Variants in DOCK2 observed in about 807,000 individuals in gnomAD.
DOCK2 encodes the protein dedicator of cytokinesis 2.
A neutral mutation model predicts 248.9 loss-of-function variants in DOCK2; 87 were observed. That is an observed-to-expected ratio of 0.35 (90% CI 0.29 to 0.42). The LOEUF is 0.42. DOCK2 is among the 10% of genes least tolerant of loss of function. DOCK2 has a pLI of 1.00. For missense variants in DOCK2, 1,747 were observed against 2,300.2 expected, an observed-to-expected ratio of 0.76 and a Z score of 4.92; for synonymous variants, 805 against 821.6, an observed-to-expected ratio of 0.98 and a Z score of 0.35.
At chr5:170,050,157 C>T (rs1756864646) in intron 40 of DOCK2, 99 bp from the exon 41 acceptor site, 2 of 1,484,162 alleles carry the variant, frequency 1.3e-6, no homozygotes, top group African/African-American at 1.4e-5. Context: ...ACTGGACATC[C>T]CCATGGACCG....
At chr5:170,042,577 C>T (rs1056104716) in intron 38 of DOCK2, among the ~76,000 whole-genome samples, 1 of 152,194 alleles carries the variant, frequency 6.6e-6, no homozygotes, top group African/African-American at 2.4e-5. Flanking sequence ...CTCTTGCTCA[C>T]GTGCTCTATG....
chr5:169,953,347 AAG>A (rs1175831719), intron 27 of DOCK2, among the ~76,000 whole-genome samples: 2 of 150,962 alleles, frequency 1.3e-5, no homozygotes, highest in Non-Finnish European at 3.0e-5. Flanking sequence ...AAAAAAAAAA[AAG>A]AGAGAGAGAG....
chr5:170,019,475 C>G (rs183017295), intron 33 of DOCK2, among the ~76,000 whole-genome samples: 124 of 152,278 alleles, frequency 8.1e-4, no homozygotes, highest in Non-Finnish European at 1.4e-3. Flanking sequence ...TCTGGGCTGA[C>G]TCTGCGGATC....
At chr5:169,903,695 G>C (rs166354) in intron 27 of DOCK2, among the ~76,000 whole-genome samples, 3 of 151,876 alleles carry the variant, frequency 2.0e-5, no homozygotes, top group Non-Finnish European at 4.4e-5. Flanking sequence ...GAACTTACTC[G>C]GGGCAGGGGG....
intron 22 of DOCK2, among the ~76,000 whole-genome samples, chr5:169,735,481 T>A (rs960404719): frequency 2.6e-5 from 4 of 152,210 alleles, no homozygotes; most frequent in African/African-American, 9.6e-5. Context: ...AGGGAATCTA[T>A]CCCTGTATTT....
rs764939243 is a variant in DOCK2, at chr5:169,674,293, C to G, written c.322-4C>G. ...GTAATTATGGGTTGTTTCTTGTCTC[C>G]TAGGCCAGCAAAAAGGAGCGTTTTC... On this transcript the variant is annotated splice_region_variant and splice_polypyrimidine_tract_variant and intron_variant, in intron 5 of 51. Coordinates refer to ENST00000520908, the MANE Select transcript of DOCK2 (RefSeq NM_004946.3). 1.9e-6 allele frequency: 3 copies of G among 1,613,844 alleles called. No individual in the cohort carries two copies. Among genetic ancestry groups the G allele is most frequent in the Non-Finnish European group, 1.7e-6 (2 of 1,179,910 alleles).
Position 169,700,057 on chromosome 5 carries a change from G to T in DOCK2, c.1176G>T (p.Gln392His). The change falls in exon 13 of 52, where the codon CAG (glutamine) becomes CAT (histidine). Residue 392 changes from glutamine (Q) to histidine (H), a missense_variant. Physicochemically the swap from Gln to His is conservative, Grantham distance 24. Coordinates refer to ENST00000520908, the MANE Select transcript of DOCK2 (RefSeq NM_004946.3). ...AGATGCTGGTGGGTGACATCATTCA[G>T]ATTCGCAAGGACTATCCACACCTGG... is the stretch of plus-strand genomic sequence containing the variant. ...TMKMLVGDIIQIRKDYPHLVD... is the reference protein window; with the variant it reads ...TMKMLVGDIIHIRKDYPHLVD... 4 of 1,614,054 alleles carry T rather than the reference G, an allele frequency of 2.5e-6. No individual in the cohort carries two copies. In the South Asian group the frequency reaches 4.4e-5, roughly 18 times the overall value.
chr5:169,716,156 G>A, intron 19 of DOCK2, 57 bp from the exon 20 acceptor site: 1 of 1,483,826 alleles, frequency 6.7e-7, no homozygotes, highest in Middle Eastern at 1.8e-4. Context: ...GGGATTGCTG[G>A]TTCACCTGTA....
chr5:169,936,718 A>G (rs1235042941), intron 27 of DOCK2, among the ~76,000 whole-genome samples: 2 of 151,746 alleles, frequency 1.3e-5, no homozygotes, highest in African/African-American at 4.8e-5. Flanking sequence ...TCCAGCCTAT[A>G]TAGATTTGGT....
chr5:170,035,510 G>A (rs764017170), intron 35 of DOCK2, among the ~76,000 whole-genome samples: 1 of 152,138 alleles, frequency 6.6e-6, no homozygotes, highest in Non-Finnish European at 1.5e-5. Flanking sequence ...ACCAGGCCCA[G>A]TTTACATAAA....
At chr5:170,005,200 A>C (rs1296774486) in intron 30 of DOCK2, among the ~76,000 whole-genome samples, 1 of 152,216 alleles carries the variant, frequency 6.6e-6, no homozygotes, top group African/African-American at 2.4e-5. Flanking sequence ...CTGTCAAAAT[A>C]GGCAAATCCA....
At chr5:169,866,161 A>G (rs1451885479) in intron 27 of DOCK2, among the ~76,000 whole-genome samples, 1 of 152,058 alleles carries the variant, frequency 6.6e-6, no homozygotes, top group Non-Finnish European at 1.5e-5. Flanking sequence ...AGGAAAGGGT[A>G]TCTGATTGTT....
At chr5:170,000,437 C>CA in intron 30 of DOCK2, 1 of 152,350 alleles carries the variant, frequency 6.6e-6, no homozygotes, top group South Asian at 2.1e-4. Flanking sequence ...TGCTGCGATT[C>CA]AACCCCAGGC....
At chr5:170,028,786 C>A (rs1756021112) in intron 34 of DOCK2, among the ~76,000 whole-genome samples, 1 of 152,100 alleles carries the variant, frequency 6.6e-6, no homozygotes, top group South Asian at 2.1e-4. Context: ...CACACACACC[C>A]AAACACTCCC....
At chr5:169,768,183 G>A (rs1256364347) in intron 25 of DOCK2, among the ~76,000 whole-genome samples, 1 of 152,036 alleles carries the variant, frequency 6.6e-6, no homozygotes, top group Non-Finnish European at 1.5e-5. Context: ...CATCACATGT[G>A]CTCTGCCAGT....
intron 27 of DOCK2, among the ~76,000 whole-genome samples, chr5:169,859,714 A>C (rs1217589821): frequency 6.6e-6 from 1 of 152,108 alleles, no homozygotes; most frequent in African/African-American, 2.4e-5. Context: ...CCCAACACCT[A>C]CTTCCCCACA....
At chr5:170,003,841 C>G (rs1173778954) in intron 30 of DOCK2, among the ~76,000 whole-genome samples, 1 of 152,216 alleles carries the variant, frequency 6.6e-6, no homozygotes, top group Non-Finnish European at 1.5e-5. Context: ...GACCACTGCT[C>G]ACCTCTAAGA....
At chr5:169,806,945 C>T (rs907362712) in intron 26 of DOCK2, among the ~76,000 whole-genome samples, 11 of 151,520 alleles carry the variant, frequency 7.3e-5, no homozygotes, top group Non-Finnish European at 1.5e-4. Flanking sequence ...CAATGCCCCA[C>T]GTATCCTCAT....
At chr5:169,909,988 T>C (rs531301372) in intron 27 of DOCK2, among the ~76,000 whole-genome samples, 58 of 152,320 alleles carry the variant, frequency 3.8e-4, no homozygotes, top group African/African-American at 1.3e-3. Context: ...GCATTTTTTT[T>C]AATGACTCTG....
Sources: gnomAD v4.1 joint callset for allele counts (sites outside exome capture counted in the v4.1 genomes callset) on GRCh38, gnomAD v4.1.1 for gene constraint, MANE v1.5 for transcripts, NCBI Gene and HGNC (gene_info 2026-07-23, HGNC 2026-07-21) for gene names.